SOS2: variants seen among roughly 807,000 people sequenced by gnomAD.
SOS2 encodes the protein son of sevenless homolog 2.
Under a neutral mutation model 148.2 loss-of-function variants are expected in SOS2, and 65 were observed. That is an observed-to-expected ratio of 0.44 (90% confidence interval 0.36 to 0.54). SOS2 has a LOEUF of 0.54. Among genes scored for constraint, SOS2 ranks in the 20% least tolerant of loss-of-function variants. The pLI is 0.00. For synonymous variants in SOS2, 539 were observed against 537.1 expected (o/e 1.00, Z -0.05); for missense variants, 1,341 against 1,590.2 (o/e 0.84, Z 2.67).
Position 50,161,613 on chromosome 14 carries a change from A to G in SOS2, c.1069-4T>C. On this transcript the variant is annotated splice_polypyrimidine_tract_variant and splice_region_variant and intron_variant, in intron 8 of 22. Transcript: ENST00000216373. ...CTTCACTACATGCTTTCAATTGCTAAGAAAAAACAGAAAGAAAAATCAAAA... is the reference window on the plus strand; with the variant it reads ...CTTCACTACATGCTTTCAATTGCTAGGAAAAAACAGAAAGAAAAATCAAAA... 1 of 1,608,302 alleles carries G rather than the reference A, an allele frequency of 6.2e-7. No homozygotes were observed. The highest frequency in any genetic ancestry group is 8.5e-7 in the Non-Finnish European group (1 of 1,178,154).
intron 16 of SOS2, among the ~76,000 whole-genome samples, chr14:50,142,274 T>C (rs968808895): frequency 6.6e-6 from 1 of 152,050 alleles, no homozygotes; most frequent in African/African-American, 2.4e-5. Context: ...TCCCAAAGTG[T>C]TGGGATTACA....
At chr14:50,176,967 G>A (rs543896340) in intron 7 of SOS2, among the ~76,000 whole-genome samples, 14 of 152,324 alleles carry the variant, frequency 9.2e-5, no homozygotes, top group Admixed American at 1.3e-4. Flanking sequence ...CCAAGATCGC[G>A]CCACTGCACT....
At chr14:50,185,985 T>C (rs1885896037) in intron 5 of SOS2, among the ~76,000 whole-genome samples, 1 of 152,114 alleles carries the variant, frequency 6.6e-6, no homozygotes, top group Admixed American at 6.6e-5. Flanking sequence ...CATCAGGGTC[T>C]TAGGGTTAAA....
chr14:50,145,383 G>C (rs943081460), intron 15 of SOS2, 51 bp from the exon 16 acceptor site: 4 of 1,564,558 alleles, frequency 2.6e-6, no homozygotes, highest in Admixed American at 2.0e-5. Context: ...ACCTCACTTA[G>C]AAAACAAGAT....
intron 1 of SOS2, among the ~76,000 whole-genome samples, chr14:50,226,738 C>G (rs1458768306): frequency 6.6e-6 from 1 of 152,132 alleles, no homozygotes; most frequent in Non-Finnish European, 1.5e-5. Context: ...CTATGGCTAG[C>G]CTGGTGAAAA....
At chr14:50,133,997 T>C (rs1883992656) in intron 19 of SOS2, 126 bp downstream of exon 19, 1 of 681,418 alleles carries the variant, frequency 1.5e-6, no homozygotes, top group Admixed American at 2.6e-5. Context: ...AGAAATAGTA[T>C]ATTACTGCAA....
chr14:50,121,937 C>A lies in SOS2; in HGVS notation c.3380-1553G>T, dbSNP rs191985773. ...TAGTTGGCCAATCCTGCCCAGGACA[C>A]CCCAATTCAAGGCAAGGAATAGGCA... On this transcript the variant is annotated intron_variant, in intron 21 of 22. Coordinates refer to ENST00000216373, the MANE Select transcript of SOS2 (RefSeq NM_006939.4). Among the ~76,000 whole-genome samples the A allele has an allele frequency of 4.7e-3, 716 of 152,246 alleles. 2 individuals carry two copies. Among genetic ancestry groups the A allele is most frequent in the Non-Finnish European group, 7.2e-3 (490 of 68,020 alleles).
intron 1 of SOS2, among the ~76,000 whole-genome samples, chr14:50,226,985 C>T (rs1243693029): frequency 6.6e-6 from 1 of 152,102 alleles, no homozygotes; most frequent in African/African-American, 2.4e-5. Flanking sequence ...TCTTGGGGAG[C>T]AGTGGTGAAG....
chr14:50,148,723 G>T (rs939829304), intron 14 of SOS2, among the ~76,000 whole-genome samples: 1 of 152,074 alleles, frequency 6.6e-6, no homozygotes, highest in Non-Finnish European at 1.5e-5. Context: ...CTAAAAGTCT[G>T]GTTCTGAATG....
intron 8 of SOS2, among the ~76,000 whole-genome samples, chr14:50,165,838 CT>C (rs1885146596): frequency 6.6e-6 from 1 of 152,194 alleles, no homozygotes; most frequent in Non-Finnish European, 1.5e-5. Flanking sequence ...TATTACAACT[CT>C]GTAACACGAG....
rs763552267 is a variant in SOS2, at chr14:50,204,355, T to C, written c.142A>G (p.Ile48Val). The C allele has an allele frequency of 6.3e-7, 1 of 1,590,694 alleles. No individual in the cohort carries two copies. The highest frequency in any genetic ancestry group is 2.2e-5 in the East Asian group (1 of 44,602). ...AGCAGCTGAAAAATCAGCTCTTCAA[T>C]ATAATAGAGAGACTCTTCATTAGCT... is the stretch of plus-strand genomic sequence containing the variant. ...LSANEESLYY[I>V]EELIFQLLNK... Residue 48 changes from isoleucine to valine, a missense_variant, in exon 2 of 23, where the codon ATT (isoleucine) becomes GTT (valine). This residue lies in a region of SOS2 where 574 missense variants were observed against 711.1 expected (regional missense o/e 0.81). Coordinates refer to ENST00000216373, the MANE Select transcript of SOS2 (RefSeq NM_006939.4).
chr14:50,138,556 T>C, intron 18 of SOS2, 56 bp downstream of exon 18: 1 of 827,676 alleles, frequency 1.2e-6, no homozygotes, highest in Non-Finnish European at 1.8e-6. Context: ...TCTATTTTTT[T>C]TTTTTGGTAC....
Position 50,178,670 on chromosome 14 carries a change from G to GTATATATATATA in SOS2, c.969+1901_969+1902insTATATATATATA, listed in dbSNP as rs1566839555. Among the ~76,000 whole-genome samples the GTATATATATATA allele has an allele frequency of 1.8e-4, 12 of 67,960 alleles. 1 individual carries two copies. The highest frequency in any genetic ancestry group is 9.4e-4 in the South Asian group (2 of 2,130). 44.6% of individuals were successfully genotyped at this position (67,960 alleles called of 152,430 possible). ...CTAGTGTGTGTGTGTGTGTGTGTGT[G>GTATATATATATA]CATATATATATATATATATATATAT... On this transcript the variant is annotated intron_variant, in intron 7 of 22. Coordinates refer to ENST00000216373, the MANE Select transcript of SOS2 (RefSeq NM_006939.4).
intron 13 of SOS2, among the ~76,000 whole-genome samples, chr14:50,152,340 G>A (rs549674817): frequency 6.6e-6 from 1 of 151,996 alleles, no homozygotes; most frequent in South Asian, 2.1e-4. Context: ...CTCTCTTTCA[G>A]ATTTCAGAAA....
intron 12 of SOS2, among the ~76,000 whole-genome samples, chr14:50,155,099 AATGAATAGAT>A (rs1666846892): frequency 6.6e-6 from 1 of 151,208 alleles, no homozygotes; most frequent in Non-Finnish European, 1.5e-5. Context: ...TGAACACATA[AATGAATAGAT>A]ATGAATAGAT....
At chr14:50,201,386 C>G (rs1886481328) in intron 2 of SOS2, among the ~76,000 whole-genome samples, 1 of 151,792 alleles carries the variant, frequency 6.6e-6, no homozygotes, top group South Asian at 2.1e-4. Flanking sequence ...CAAAAATTAG[C>G]CCGGCATGGT....
At chr14:50,222,165 T>C (rs1887222109) in intron 1 of SOS2, among the ~76,000 whole-genome samples, 2 of 152,222 alleles carry the variant, frequency 1.3e-5, no homozygotes, top group Admixed American at 1.3e-4. Context: ...CTGATGCAAC[T>C]GTTTTACCTT....
Position 50,188,231 on chromosome 14 carries a change from C to T in SOS2, c.714+266G>A, listed in dbSNP as rs7157329. Among the ~76,000 whole-genome samples, 131,528 of 151,964 alleles carry T rather than the reference C, an allele frequency of 0.87. 57,015 individuals carry two copies. The highest frequency in any genetic ancestry group is 0.91 in the East Asian group (4,706 of 5,176). ...CAGCCTGGCCAATATGAAGAAACCC[C>T]ATCTCTACTAAAAATATAAAAAAAT... On this transcript the variant is annotated intron_variant, in intron 5 of 22. Coordinates refer to ENST00000216373, the MANE Select transcript of SOS2 (RefSeq NM_006939.4).
chr14:50,159,945 T>G lies in SOS2; in HGVS notation c.1338A>C (p.Gly446=), dbSNP rs1884941430. 1 of 1,614,018 alleles carries G rather than the reference T, an allele frequency of 6.2e-7. No individual in the cohort carries two copies. Among genetic ancestry groups the G allele is most frequent in the Admixed American group, 1.7e-5 (1 of 59,990 alleles). ...GQCCNEFIME[G]PLTRIGAKHE... ...GTTTGGCACCGATTCTTGTCAATGG[T>G]CCCTCCATAATGAATTCATTACAAC... Residue 446 remains glycine (G), a synonymous_variant, in exon 10 of 23, where the codon GGA becomes GGC. Transcript: ENST00000216373.
Sources: allele counts gnomAD v4.1 joint callset (sites outside exome capture counted in the v4.1 genomes callset), GRCh38; gene constraint gnomAD v4.1.1; regional missense constraint gnomAD v4.1.1; transcripts MANE v1.5; gene names NCBI Gene and HGNC (gene_info 2026-07-23, HGNC 2026-07-21).